TRIM5: variants seen among roughly 807,000 people sequenced by gnomAD.
The protein encoded by TRIM5 is tripartite motif containing 5.
A neutral mutation model predicts 35.6 loss-of-function variants in TRIM5; 31 were observed. The ratio of observed to expected loss-of-function variants is 0.87; its 90% CI spans 0.65 to 1.18. The LOEUF is 1.18. Ranked by LOEUF, TRIM5 falls within the 50% of genes most tolerant of loss-of-function variation. TRIM5 has a pLI of 0.00. For missense variants in TRIM5, 609 were observed against 591.6 expected (o/e 1.03, Z -0.31); for synonymous variants, 243 against 215.6 (o/e 1.13, Z -1.11).
intron 4 of TRIM5, among the ~76,000 whole-genome samples, chr11:5,676,635 G>C (rs557501384): frequency 2.0e-5 from 3 of 150,656 alleles, no homozygotes; most frequent in Non-Finnish European, 3.0e-5. Flanking sequence ...AAAAGAGCCC[G>C]CATCACCAAG....
the TRIM5 span, among the ~76,000 whole-genome samples, chr11:5,637,369 G>T: frequency 2.0e-5 from 3 of 152,130 alleles, no homozygotes; most frequent in Non-Finnish European, 1.5e-5. Flanking sequence ...AACACTTACT[G>T]CCAAAGAACG....
the TRIM5 span, chr11:5,589,530 C>T: frequency 3.3e-5 from 5 of 152,162 alleles, no homozygotes; most frequent in African/African-American, 7.2e-5. Context: ...GGGTTGGTTA[C>T]ACCATCTTGC....
downstream of TRIM5, among the ~76,000 whole-genome samples, chr11:5,662,054 G>A (rs1346090356): frequency 6.6e-6 from 1 of 152,174 alleles, no homozygotes; most frequent in Non-Finnish European, 1.5e-5. Flanking sequence ...TGGGTGACAG[G>A]AAAGCAGAGG....
Position 5,663,318 on chromosome 11 carries a change from T to C in TRIM5, c.*1491A>G, listed in dbSNP as rs1426069717. 2 of 940,844 alleles carry C rather than the reference T, an allele frequency of 2.1e-6. No individual in the cohort carries two copies. The highest frequency in any genetic ancestry group is 4.9e-5 in the South Asian group (1 of 20,288). The allele number at this position is 940,844 out of a possible 1,614,324, so 58.3% of individuals were successfully genotyped here. A position where few individuals can be genotyped will look rare whatever the true frequency, so the allele number is the denominator to read the frequency against. ...TTCCCACATAATTCAGTTTGTTTGATAAAGACTAATATGTAGCAACACTAG... is the reference window on the plus strand; with the variant it reads ...TTCCCACATAATTCAGTTTGTTTGACAAAGACTAATATGTAGCAACACTAG... On this transcript the variant is annotated 3_prime_UTR_variant, in exon 8 of 8. Coordinates refer to ENST00000380034, the MANE Select transcript of TRIM5 (RefSeq NM_033034.3).
At chr11:5,622,284 A>T in the TRIM5 span, among the ~76,000 whole-genome samples, 1 of 152,218 alleles carries the variant, frequency 6.6e-6, no homozygotes, top group South Asian at 2.1e-4. Flanking sequence ...CCTCTATTAA[A>T]AATACAAAAA....
At chr11:5,649,204 A>G in the TRIM5 span, among the ~76,000 whole-genome samples, 1 of 152,150 alleles carries the variant, frequency 6.6e-6, no homozygotes, top group Non-Finnish European at 1.5e-5. Context: ...CACCAACCAC[A>G]CTGTTTTCTT....
At chr11:5,643,212 A>G in the TRIM5 span, 3 of 1,612,932 alleles carry the variant, frequency 1.9e-6, no homozygotes, top group African/African-American at 1.3e-5. Context: ...GAGACAAGTG[A>G]TATCTGTGCC....
the TRIM5 span, among the ~76,000 whole-genome samples, chr11:5,623,105 CTTTT>C: frequency 2.8e-5 from 3 of 106,836 alleles, no homozygotes; most frequent in Middle Eastern, 4.7e-3. Context: ...CTGTCTGGAG[CTTTT>C]TTTTTTTTTT....
At chr11:5,610,094 G>C in the TRIM5 span, 3 of 1,600,088 alleles carry the variant, frequency 1.9e-6, no homozygotes, top group Non-Finnish European at 2.6e-6. Flanking sequence ...ATGGGTGGTG[G>C]AGGAACCCAC....
Position 5,664,495 on chromosome 11 carries a change from G to A in TRIM5, c.*314C>T, listed in dbSNP as rs1024040966. The A allele has an allele frequency of 5.6e-6, 6 of 1,069,600 alleles. No homozygotes were observed. Among genetic ancestry groups the A allele is most frequent in the Non-Finnish European group, 6.8e-6 (6 of 883,236 alleles). 66.3% of individuals were successfully genotyped at this position (1,069,600 alleles called of 1,614,324 possible). ...GCTTTTCTTCATCTTCTTAGTCAGT[G>A]TCAGAGGCAATTGGGTGATAAATAT... On this transcript the variant is annotated 3_prime_UTR_variant, in exon 8 of 8. Coordinates refer to ENST00000380034, the MANE Select transcript of TRIM5 (RefSeq NM_033034.3).
the TRIM5 span, among the ~76,000 whole-genome samples, chr11:5,650,039 G>T: frequency 6.6e-6 from 1 of 152,174 alleles, no homozygotes; most frequent in Non-Finnish European, 1.5e-5. Context: ...TATGAAGTGA[G>T]TTCCTTGATT....
the TRIM5 span, among the ~76,000 whole-genome samples, chr11:5,637,381 T>C: frequency 6.7e-6 from 1 of 149,858 alleles, no homozygotes; most frequent in Non-Finnish European, 1.5e-5. Flanking sequence ...CAAAGAACGA[T>C]CTAGACAGAA....
At chr11:5,676,764 A>G (rs7119395) in intron 4 of TRIM5, among the ~76,000 whole-genome samples, 76,629 of 146,400 alleles carry the variant, frequency 0.52, 22,476 homozygotes, top group Non-Finnish European at 0.68. Flanking sequence ...GATATAGATC[A>G]ATGGAACAGA....
downstream of TRIM5, among the ~76,000 whole-genome samples, chr11:5,661,870 T>C (rs567025337): frequency 4.6e-5 from 7 of 152,336 alleles, no homozygotes; most frequent in South Asian, 1.4e-3. Context: ...TCTTTTCTGT[T>C]GTATATACAA....
At chr11:5,618,863 T>C in the TRIM5 span, among the ~76,000 whole-genome samples, 1 of 152,204 alleles carries the variant, frequency 6.6e-6, no homozygotes, top group African/African-American at 2.4e-5. Flanking sequence ...TAAGGGCAGA[T>C]TTGGGAGAGA....
the TRIM5 span, chr11:5,626,522 C>T: frequency 6.6e-6 from 1 of 152,120 alleles, no homozygotes; most frequent in Non-Finnish European, 1.5e-5. Flanking sequence ...AATGGTTTTT[C>T]CCACGGGCTT....
chr11:5,589,038 G>C, the TRIM5 span: 1 of 151,862 alleles, frequency 6.6e-6, no homozygotes, highest in African/African-American at 2.4e-5. Context: ...CGCCCGCCTC[G>C]GCCTCCCAAA....
chr11:5,648,807 TCCC>T, the TRIM5 span, among the ~76,000 whole-genome samples: 1 of 152,200 alleles, frequency 6.6e-6, no homozygotes, highest in East Asian at 1.9e-4. Flanking sequence ...CATGTATGAC[TCCC>T]CATGAAATGT....
the TRIM5 span, chr11:5,603,300 G>T: frequency 6.2e-7 from 1 of 1,614,124 alleles, no homozygotes. Context: ...CAGGAGCCAG[G>T]AGAGTAGCTA....
Sources: gnomAD v4.1 joint callset for allele counts (sites outside exome capture counted in the v4.1 genomes callset) on GRCh38, gnomAD v4.1.1 for gene constraint, MANE v1.5 for transcripts, NCBI Gene and HGNC (gene_info 2026-07-23, HGNC 2026-07-21) for gene names.